Variants in ATP5F1C observed in about 807,000 individuals in gnomAD.
ATP5F1C encodes the protein ATP synthase F(1) complex subunit gamma, mitochondrial.
A neutral mutation model predicts 37.4 loss-of-function variants in ATP5F1C; 22 were observed. The ratio of observed to expected loss-of-function variants is 0.59; its 90% CI spans 0.42 to 0.84. The LOEUF is 0.84. Ranked by LOEUF, ATP5F1C falls within the 40% of genes least tolerant of loss-of-function variation. ATP5F1C has a pLI of 0.00. For missense variants in ATP5F1C, 286 were observed against 362.4 expected, an observed-to-expected ratio of 0.79 and a Z score of 1.71; for synonymous variants, 121 against 128.0, an observed-to-expected ratio of 0.95 and a Z score of 0.37.
At chr10:7,807,098 C>A in intron 9 of ATP5F1C, 88 bp downstream of exon 9, 1 of 1,293,938 alleles carries the variant, frequency 7.7e-7, no homozygotes, top group Non-Finnish European at 1.1e-6. Flanking sequence ...CTAGAATTGT[C>A]CTCTGAGAGA....
intron 1 of ATP5F1C, 49 bp downstream of exon 1, chr10:7,788,312 C>T: frequency 1.9e-6 from 3 of 1,603,380 alleles, no homozygotes; most frequent in East Asian, 2.2e-5. Context: ...GATGGAAGAG[C>T]TTGGGCACGG....
At chr10:7,788,772 C>G (rs1836103134) in intron 1 of ATP5F1C, among the ~76,000 whole-genome samples, 1 of 151,950 alleles carries the variant, frequency 6.6e-6, no homozygotes, top group Non-Finnish European at 1.5e-5. Flanking sequence ...GGCCGTCGAG[C>G]ACCTCCCGTG....
At chr10:7,795,133 CT>C (rs1252282350) in intron 1 of ATP5F1C, among the ~76,000 whole-genome samples, 1 of 152,096 alleles carries the variant, frequency 6.6e-6, no homozygotes, top group East Asian at 1.9e-4. Context: ...AACCAATTTG[CT>C]TTTTTTGATA....
chr10:7,788,185 C>T lies in ATP5F1C; in HGVS notation c.-23C>T. On this transcript the variant is annotated 5_prime_UTR_variant, in exon 1 of 10. Coordinates refer to ENST00000356708, the MANE Select transcript of ATP5F1C (RefSeq NM_001001973.3). Reference sequence around the variant, plus strand: ...TGCGCGCTGAGGCCTGCCTGACCGACCTTCAGCAGGGCTGTGGCTACCATG... The same window carrying T: ...TGCGCGCTGAGGCCTGCCTGACCGATCTTCAGCAGGGCTGTGGCTACCATG... 3 of 1,612,626 alleles carry T rather than the reference C, an allele frequency of 1.9e-6. No individual in the cohort carries two copies. The highest frequency in any genetic ancestry group is 1.7e-6 in the Non-Finnish European group (2 of 1,179,834).
At chr10:7,802,924 T>G in intron 8 of ATP5F1C, 70 bp downstream of exon 8, 1 of 1,379,630 alleles carries the variant, frequency 7.2e-7, no homozygotes. Context: ...GTTTGGATGC[T>G]TAAAAGTTTT....
rs1264771437 is a variant in ATP5F1C, at chr10:7,800,204, CTG to C, written c.637+115_637+116del. 3 of 1,147,000 alleles carry C rather than the reference CTG, an allele frequency of 2.6e-6. No homozygotes were observed. The East Asian group carries it at 7.1e-5, about 27-fold the overall frequency. 71.1% of individuals were successfully genotyped at this position (1,147,000 alleles called of 1,614,324 possible). On this transcript the variant is annotated intron_variant, in intron 6 of 9. Transcript: ENST00000356708. ...GGTAGCTATAGCAAATGATTTGGGG[CTG>C]TTTCTTTTTTAGATGGAATCTTGCT...
At chr10:7,799,739 A>C (rs1420047200) in intron 4 of ATP5F1C, 33 bp from the exon 5 acceptor site, 4 of 1,604,396 alleles carry the variant, frequency 2.5e-6, no homozygotes, top group Non-Finnish European at 2.6e-6. Context: ...AATCTTATTA[A>C]ACTAGCTATG....
At chr10:7,802,948 T>C in intron 8 of ATP5F1C, 94 bp downstream of exon 8, 2 of 1,052,878 alleles carry the variant, frequency 1.9e-6, no homozygotes, top group Non-Finnish European at 2.8e-6. Flanking sequence ...TTTTTTTCTT[T>C]TGAAGTTGAA....
At chr10:7,790,107 T>C (rs1368324504) in intron 1 of ATP5F1C, among the ~76,000 whole-genome samples, 1 of 152,246 alleles carries the variant, frequency 6.6e-6, no homozygotes, top group African/African-American at 2.4e-5. Flanking sequence ...TCTCTTTCCA[T>C]GAATTATAAT....
chr10:7,793,375 G>C (rs1191913180), intron 1 of ATP5F1C, among the ~76,000 whole-genome samples: 1 of 152,230 alleles, frequency 6.6e-6, no homozygotes, highest in Non-Finnish European at 1.5e-5. Flanking sequence ...GCCTCCCAAA[G>C]TGCTGGGATT....
At chr10:7,801,294 C>T (rs1001230966) in intron 6 of ATP5F1C, among the ~76,000 whole-genome samples, 6 of 152,040 alleles carry the variant, frequency 3.9e-5, no homozygotes, top group African/African-American at 1.4e-4. Context: ...ACATTTTTTT[C>T]TCTCTTAATG....
intron 2 of ATP5F1C, chr10:7,796,769 G>A (rs372482132): frequency 1.1e-3 from 219 of 198,346 alleles, no homozygotes; most frequent in African/African-American, 4.8e-3. Flanking sequence ...TATTTTTAGT[G>A]GAGACGGGGT....
intron 4 of ATP5F1C, 38 bp from the exon 5 acceptor site, chr10:7,799,734 T>A (rs770178085): frequency 6.2e-7 from 1 of 1,602,992 alleles, no homozygotes; most frequent in Non-Finnish European, 8.5e-7. Context: ...GCAGAAATCT[T>A]ATTAAACTAG....
At chr10:7,791,286 G>A (rs1023920784) in intron 1 of ATP5F1C, among the ~76,000 whole-genome samples, 2 of 151,768 alleles carry the variant, frequency 1.3e-5, no homozygotes, top group African/African-American at 4.8e-5. Flanking sequence ...GCGACACAGT[G>A]AGACTCCATC....
chr10:7,801,164 C>T lies in ATP5F1C; in HGVS notation c.637+1073C>T, dbSNP rs1554773555. Among the ~76,000 whole-genome samples the T allele has an allele frequency of 2.0e-5, 3 of 146,818 alleles. No homozygotes were observed. In the South Asian group the frequency reaches 6.3e-4, roughly 31 times the overall value. On this transcript the variant is annotated intron_variant, in intron 6 of 9. Coordinates refer to ENST00000356708, the MANE Select transcript of ATP5F1C (RefSeq NM_001001973.3). Reference sequence around the variant, plus strand: ...ATTTTAGTTTTCTAAGGCTTTTTTCCCTTGTATATACCATCTATTTTCTAA... The same window carrying T: ...ATTTTAGTTTTCTAAGGCTTTTTTCTCTTGTATATACCATCTATTTTCTAA...
At position 7,802,866 on chromosome 10, in the gene ATP5F1C, T is replaced by C; in HGVS notation, c.890+12T>C. 2.5e-6 allele frequency: 4 copies of C among 1,607,296 alleles called. No homozygotes were observed. Among genetic ancestry groups the C allele is most frequent in the Non-Finnish European group, 3.4e-6 (4 of 1,177,028 alleles). On this transcript the variant is annotated intron_variant, in intron 8 of 9. Transcript: ENST00000356708. ...GGTGCTGCAGCTCTGTGAGTAATTGTAGATTGTCGCCTTCAGAGAATTTTT... is the reference window on the plus strand; with the variant it reads ...GGTGCTGCAGCTCTGTGAGTAATTGCAGATTGTCGCCTTCAGAGAATTTTT...
intron 1 of ATP5F1C, among the ~76,000 whole-genome samples, chr10:7,795,014 A>T (rs564271491): frequency 1.3e-5 from 2 of 152,322 alleles, no homozygotes; most frequent in South Asian, 4.1e-4. Context: ...TCAAAACTCC[A>T]ACCTCATTTT....
chr10:7,791,669 G>C (rs935434065), intron 1 of ATP5F1C, among the ~76,000 whole-genome samples: 1 of 152,138 alleles, frequency 6.6e-6, no homozygotes, highest in Non-Finnish European at 1.5e-5. Context: ...GACGTGCAAT[G>C]ATTCAGAGCT....
At chr10:7,800,113 C>T in intron 6 of ATP5F1C, 22 bp downstream of exon 6, 7 of 1,608,852 alleles carry the variant, frequency 4.4e-6, no homozygotes, top group Non-Finnish European at 6.0e-6. Context: ...TTCTATGATA[C>T]ATATTTTTTG....
Sources: allele counts gnomAD v4.1 joint callset (sites outside exome capture counted in the v4.1 genomes callset), GRCh38; gene constraint gnomAD v4.1.1; transcripts MANE v1.5; gene names NCBI Gene and HGNC (gene_info 2026-07-23, HGNC 2026-07-21).